Variants in PAK1 observed in about 807,000 individuals in gnomAD.
The protein encoded by PAK1 is serine/threonine-protein kinase PAK 1.
In PAK1, 29 loss-of-function variants were observed where a neutral mutation model predicts 67.4. That is an observed-to-expected ratio of 0.43 (90% CI 0.32 to 0.59). PAK1 has a LOEUF of 0.59. Among genes scored for constraint, PAK1 ranks in the 20% least tolerant of loss-of-function variants. PAK1 has a pLI of 0.07. For synonymous variants in PAK1, 223 were observed against 237.4 expected (o/e 0.94, Z 0.56); for missense variants, 337 against 670.7 (o/e 0.50, Z 5.50).
the PAK1 span, among the ~76,000 whole-genome samples, chr11:77,496,838 T>C: frequency 2.6e-4 from 39 of 152,140 alleles, no homozygotes; most frequent in Admixed American, 1.9e-3. Context: ...GAGGCTGAGG[T>C]AGGAGAATTG....
chr11:77,478,878 C>G (rs1424032101), upstream of PAK1, among the ~76,000 whole-genome samples: 1 of 147,074 alleles, frequency 6.8e-6, no homozygotes, highest in East Asian at 2.0e-4. Flanking sequence ...AGATCGAGAC[C>G]ATCCTGGCTA....
intron 9 of PAK1, 179 bp from the exon 10 acceptor site, chr11:77,344,110 G>T: frequency 3.7e-6 from 2 of 540,288 alleles, no homozygotes; most frequent in Non-Finnish European, 3.3e-6. Flanking sequence ...TCTCAAGCCA[G>T]CATCATCATC....
chr11:77,376,980 TAAG>T (rs1264499654), intron 4 of PAK1, among the ~76,000 whole-genome samples: 1 of 151,998 alleles, frequency 6.6e-6, no homozygotes, highest in East Asian at 1.9e-4. Flanking sequence ...AAGGCCATCA[TAAG>T]AATCACATGA....
At chr11:77,519,712 T>C in the PAK1 span, among the ~76,000 whole-genome samples, 1 of 152,226 alleles carries the variant, frequency 6.6e-6, no homozygotes, top group Non-Finnish European at 1.5e-5. Context: ...CAGTTAGGTC[T>C]AGTTGGTCAC....
At chr11:77,323,488 T>A (rs183541510) in intron 14 of PAK1, 128 bp from the exon 15 acceptor site, 1 of 686,626 alleles carries the variant, frequency 1.5e-6, no homozygotes, top group Non-Finnish European at 2.6e-6. Flanking sequence ...CATCCCCAAA[T>A]TGAAGGACAT....
chr11:77,528,330 T>A, the PAK1 span, among the ~76,000 whole-genome samples: 5 of 141,892 alleles, frequency 3.5e-5, no homozygotes, highest in Admixed American at 6.8e-5. Context: ...AAAAATAACT[T>A]TTTTTTTTGT....
At chr11:77,347,403 T>A (rs974252540) in intron 9 of PAK1, among the ~76,000 whole-genome samples, 2 of 152,132 alleles carry the variant, frequency 1.3e-5, no homozygotes, top group African/African-American at 2.4e-5. Flanking sequence ...TTGCTGACAG[T>A]ACAACTTTGC....
chr11:77,393,913 G>A (rs1265552840), intron 1 of PAK1, among the ~76,000 whole-genome samples: 3 of 152,124 alleles, frequency 2.0e-5, no homozygotes, highest in Non-Finnish European at 4.4e-5. Context: ...TGAGGCAGGA[G>A]AATCACCTGA....
intron 1 of PAK1, among the ~76,000 whole-genome samples, chr11:77,407,408 T>C (rs116428380): frequency 6.6e-6 from 1 of 152,188 alleles, no homozygotes; most frequent in Non-Finnish European, 1.5e-5. Context: ...CCTATTAGTC[T>C]GTGAGTTTTT....
chr11:77,393,289 G>A (rs1298624295), intron 1 of PAK1, among the ~76,000 whole-genome samples: 2 of 123,988 alleles, frequency 1.6e-5, no homozygotes. Context: ...AAAAAAAAGA[G>A]AGAGAGAGAG....
the PAK1 span, among the ~76,000 whole-genome samples, chr11:77,503,477 C>T: frequency 4.6e-5 from 7 of 152,228 alleles, no homozygotes; most frequent in Non-Finnish European, 8.8e-5. Flanking sequence ...GACCTTTTTA[C>T]ACTTTTAAAA....
intron 1 of PAK1, among the ~76,000 whole-genome samples, chr11:77,447,041 AG>A (rs1565709445): frequency 6.6e-6 from 1 of 152,226 alleles, no homozygotes; most frequent in Non-Finnish European, 1.5e-5. Flanking sequence ...ATAAAGACAT[AG>A]GAAGTATAAA....
the PAK1 span, among the ~76,000 whole-genome samples, chr11:77,493,272 G>GTTTTTTTTTTTT: frequency 1.1e-5 from 1 of 92,632 alleles, no homozygotes; most frequent in African/African-American, 5.3e-5. Context: ...TCATTTTTTT[G>GTTTTTTTTTTTT]TTGTTTTTTT....
At chr11:77,366,858 T>C (rs1042940890) in intron 5 of PAK1, among the ~76,000 whole-genome samples, 1 of 152,192 alleles carries the variant, frequency 6.6e-6, no homozygotes, top group African/African-American at 2.4e-5. Context: ...GTATATACTC[T>C]GAAGAAATGA....
rs568093933 is a variant in PAK1, at chr11:77,454,401, G to A, written c.-22+19151C>T. Among the ~76,000 whole-genome samples, 35 of 152,224 alleles carry A rather than the reference G, an allele frequency of 2.3e-4. No homozygotes were observed. The South Asian group carries it at 6.2e-3, about 27-fold the overall frequency. ...TATCTCACAACCACCACCACCTTGT[G>A]AGCTAGACATTCAAGATTCCTCATG... On this transcript the variant is annotated intron_variant, in intron 1 of 14. Coordinates refer to ENST00000356341, the MANE Select transcript of PAK1 (RefSeq NM_002576.5).
chr11:77,407,879 T>G (rs1318622562), intron 1 of PAK1, among the ~76,000 whole-genome samples: 2 of 152,226 alleles, frequency 1.3e-5, no homozygotes, highest in African/African-American at 4.8e-5. Context: ...TTTGTTTGGC[T>G]ATGGCACAGT....
At chr11:77,405,913 T>C (rs1207437508) in intron 1 of PAK1, among the ~76,000 whole-genome samples, 1 of 152,212 alleles carries the variant, frequency 6.6e-6, no homozygotes, top group Non-Finnish European at 1.5e-5. Flanking sequence ...CAAATCCTTA[T>C]TTTTCTGTCC....
chr11:77,458,935 G>A (rs986388325), intron 1 of PAK1, among the ~76,000 whole-genome samples: 1 of 152,146 alleles, frequency 6.6e-6, no homozygotes, highest in African/African-American at 2.4e-5. Flanking sequence ...TACCCTCTAG[G>A]AACTTAAAAT....
the PAK1 span, among the ~76,000 whole-genome samples, chr11:77,490,360 C>A: frequency 1.4e-5 from 2 of 147,176 alleles, no homozygotes; most frequent in East Asian, 4.1e-4. Context: ...CGGCCAGCCG[C>A]CCCGTCCGGG....
Sources: gnomAD v4.1 joint callset for allele counts (sites outside exome capture counted in the v4.1 genomes callset) on GRCh38, gnomAD v4.1.1 for gene constraint, MANE v1.5 for transcripts, NCBI Gene and HGNC (gene_info 2026-07-23, HGNC 2026-07-21) for gene names.